Variants in UCN3 observed in about 807,000 individuals in gnomAD.
UCN3 encodes the protein urocortin 3.
UCN3 carries 3 observed loss-of-function variants against 3.6 expected under a neutral mutation model. The ratio of observed to expected loss-of-function variants is 0.83; its 90% CI spans 0.38 to 2.15. The LOEUF is 2.15. Ranked by LOEUF, UCN3 falls within the 30% of genes most tolerant of loss-of-function variation. The pLI, the probability that UCN3 is intolerant of heterozygous loss-of-function variation, is 0.06. For synonymous variants in UCN3, 100 were observed against 93.2 expected (o/e 1.07, Z -0.42); for missense variants, 206 against 208.3 (o/e 0.99, Z 0.07).
At chr10:5,370,185 GTATA>G (rs1460385126) in intron 1 of UCN3, among the ~76,000 whole-genome samples, 2 of 93,800 alleles carry the variant, frequency 2.1e-5, no homozygotes, top group African/African-American at 1.2e-4. Flanking sequence ...ATATGCGTGT[GTATA>G]TGCGTGTGTA....
At position 5,365,437 on chromosome 10, in the gene UCN3, A is replaced by G. The variant is rs1408734749; in HGVS notation, c.-7+207A>G. On this transcript the variant is annotated intron_variant, in intron 1 of 1. Transcript: ENST00000380433. This position sits in a 1 kb window ranked among gnomAD's most constrained non-coding sequence, Gnocchi z 4.4. ...AGGGGAAGTTTCTCAGGGAGGCACA[A>G]TCACATTCCCACGTTGGTATAGAGA... 1.3e-5 allele frequency among the ~76,000 whole-genome samples: 2 copies of G among 152,212 alleles called. No homozygotes were observed.
In UCN3 at chr10:5,370,376, TGC is replaced by T. The variant is rs1477761472; in HGVS notation, c.-6-3337_-6-3336del. 1.2e-4 allele frequency among the ~76,000 whole-genome samples: 9 copies of T among 74,680 alleles called. 3 individuals are homozygous for T. The South Asian group carries it at 2.7e-3, about 22-fold the overall frequency. 49.0% of individuals were successfully genotyped at this position (74,680 alleles called of 152,430 possible). A position where few individuals can be genotyped will look rare whatever the true frequency, so the allele number is the denominator to read the frequency against. On this transcript the variant is annotated intron_variant, in intron 1 of 1. Coordinates refer to ENST00000380433, the MANE Select transcript of UCN3 (RefSeq NM_053049.4). ...ATGTGTGTGTATATGCGTGTGTATA[TGC>T]GTGTATATGCGTGTGTATATGTGTG... is the stretch of plus-strand genomic sequence containing the variant.
intron 1 of UCN3, among the ~76,000 whole-genome samples, chr10:5,370,707 ATATGATGTGTGTG>A (rs1831388928): frequency 3.0e-5 from 2 of 67,476 alleles, no homozygotes; most frequent in African/African-American, 1.4e-4. Context: ...ATGTGTGTGT[ATATGATGTGTGTG>A]TATATGCGTG....
rs1834128284 is a variant in UCN3 at position 5,367,489 on chromosome 10, T to C, written c.-7+2259T>C. On this transcript the variant is annotated intron_variant, in intron 1 of 1. Transcript: ENST00000380433. This position sits in a 1 kb window ranked among gnomAD's most constrained non-coding sequence, Gnocchi z 4.3. ...TGAATTTCAATTCATTCAACAAATA[T>C]TGATTGAGAATATGATTTAGTATAA... 1.3e-5 allele frequency among the ~76,000 whole-genome samples: 2 copies of C among 152,212 alleles called. No homozygotes were observed. The highest frequency in any genetic ancestry group is 6.5e-5 in the Admixed American group (1 of 15,280).
chr10:5,368,058 C>A (rs1834132720), intron 1 of UCN3, among the ~76,000 whole-genome samples: 1 of 152,088 alleles, frequency 6.6e-6, no homozygotes. Flanking sequence ...GGATGGAGTG[C>A]AGTAGCATGA....
chr10:5,370,604 CGT>C lies in UCN3; in HGVS notation c.-6-3106_-6-3105del, dbSNP rs1175966230. Among the ~76,000 whole-genome samples the C allele has an allele frequency of 5.8e-4, 17 of 29,240 alleles. 4 individuals are homozygous for C. Among genetic ancestry groups the C allele is most frequent in the African/African-American group, 2.0e-3 (14 of 7,176 alleles). 19.2% of individuals were successfully genotyped at this position (29,240 alleles called of 152,430 possible). A position where few individuals can be genotyped will look rare whatever the true frequency, so the allele number is the denominator to read the frequency against. On this transcript the variant is annotated intron_variant, in intron 1 of 1. Transcript: ENST00000380433. Reference sequence around the variant, plus strand: ...ATGTGTGTATATGTGTGTGTGTATGCGTGTGTATATGCGTGTATATGCGTGTG... The same window carrying C: ...ATGTGTGTATATGTGTGTGTGTATGCGTGTATATGCGTGTATATGCGTGTG...
intron 1 of UCN3, among the ~76,000 whole-genome samples, chr10:5,372,227 G>C (rs1366126967): frequency 2.0e-5 from 3 of 152,130 alleles, no homozygotes; most frequent in African/African-American, 7.2e-5. Flanking sequence ...CAGAATGGTG[G>C]GTTTGATCTC....
intron 1 of UCN3, among the ~76,000 whole-genome samples, chr10:5,368,913 C>T (rs1213198987): frequency 6.6e-6 from 1 of 152,114 alleles, no homozygotes; most frequent in African/African-American, 2.4e-5. Context: ...GGTCAGAGCA[C>T]GCAGAGCAGC....
At chr10:5,370,366 C>T (rs797036045) in intron 1 of UCN3, among the ~76,000 whole-genome samples, 75 of 6,832 alleles carry the variant, frequency 0.011, 11 homozygotes, top group East Asian at 0.047. Flanking sequence ...TGTGTATATG[C>T]GTGTGTATAT....
chr10:5,370,124 T>C (rs1390024741), intron 1 of UCN3, among the ~76,000 whole-genome samples: 13 of 91,126 alleles, frequency 1.4e-4, no homozygotes, highest in East Asian at 4.0e-4. Context: ...TGTGTGTATG[T>C]GTGTGTATGT....
At chr10:5,369,991 G>GCGTC (rs1831327639) in intron 1 of UCN3, among the ~76,000 whole-genome samples, 1 of 133,126 alleles carries the variant, frequency 7.5e-6, no homozygotes, top group South Asian at 2.5e-4. Flanking sequence ...GTGTATATGT[G>GCGTC]TGTATGTGTG....
chr10:5,370,153 ATG>A lies in UCN3; in HGVS notation c.-6-3554_-6-3553del, dbSNP rs1310210440. ...TGTATGTGTGTGTATGCGTGTGTAT[ATG>A]TGTGTGTATATGTGTGTGTATATGC... On this transcript the variant is annotated intron_variant, in intron 1 of 1. Coordinates refer to ENST00000380433, the MANE Select transcript of UCN3 (RefSeq NM_053049.4). 5.8e-4 allele frequency among the ~76,000 whole-genome samples: 15 copies of A among 25,848 alleles called. 2 individuals carry two copies. Among genetic ancestry groups the A allele is most frequent in the East Asian group, 2.3e-3 (2 of 856 alleles). 17.0% of individuals were successfully genotyped at this position (25,848 alleles called of 152,430 possible). A position where few individuals can be genotyped will look rare whatever the true frequency, so the allele number is the denominator to read the frequency against.
At chr10:5,370,817 G>C (rs1160617738) in intron 1 of UCN3, among the ~76,000 whole-genome samples, 1 of 106,164 alleles carries the variant, frequency 9.4e-6, no homozygotes, top group Non-Finnish European at 1.9e-5. Context: ...GTGTGTGCGT[G>C]TGTGTGCGCG....
intron 1 of UCN3, among the ~76,000 whole-genome samples, chr10:5,369,932 T>TGTATATGC (rs1831323219): frequency 7.2e-6 from 1 of 138,380 alleles, no homozygotes; most frequent in Non-Finnish European, 1.5e-5. Flanking sequence ...TGTATGTGTG[T>TGTATATGC]GTGTGTATGT....
chr10:5,369,902 T>TGC (rs1831319845), intron 1 of UCN3, among the ~76,000 whole-genome samples: 1 of 103,812 alleles, frequency 9.6e-6, no homozygotes, highest in African/African-American at 4.4e-5. Flanking sequence ...TGTGTGTATA[T>TGC]GTGTGTGTGT....
intron 1 of UCN3, among the ~76,000 whole-genome samples, chr10:5,368,327 C>T (rs149612428): frequency 3.4e-4 from 52 of 152,242 alleles, no homozygotes; most frequent in African/African-American, 1.1e-3. Context: ...TTAGCTTACA[C>T]CCACCCAGAG....
In UCN3 at chr10:5,366,390, A is replaced by G. The variant is rs1199494602; in HGVS notation, c.-7+1160A>G. ...ATTAATAACTAGATGGTGCCCAGTT[A>G]TTTTCGTGGCAGACTGCAGAGAAAT... On this transcript the variant is annotated intron_variant, in intron 1 of 1. Transcript: ENST00000380433. This position sits in a 1 kb window ranked among gnomAD's most constrained non-coding sequence, Gnocchi z 4.2. 6.6e-6 allele frequency among the ~76,000 whole-genome samples: 1 copy of G among 152,178 alleles called. No homozygotes were observed. Among genetic ancestry groups the G allele is most frequent in the Non-Finnish European group, 1.5e-5 (1 of 68,016 alleles).
rs1554811801 is a variant in UCN3 at position 5,374,078 on chromosome 10, T to G, written c.358T>G (p.Phe120Val). ...DTAKSPHRTKFTLSLDVPTNI... is the reference protein window; with the variant it reads ...DTAKSPHRTKVTLSLDVPTNI... ...GGCCAAGAGTCCCCACCGCACCAAG[T>G]TCACCCTGTCCCTCGACGTCCCCAC... Residue 120 changes from phenylalanine to valine, a missense_variant, in exon 2 of 2, where the codon TTC (phenylalanine) becomes GTC (valine). Phe to Val is a conservative substitution (Grantham distance 50). Coordinates refer to ENST00000380433, the MANE Select transcript of UCN3 (RefSeq NM_053049.4). 1 of 1,613,604 alleles carries G rather than the reference T, an allele frequency of 6.2e-7. No individual in the cohort carries two copies. Among genetic ancestry groups the G allele is most frequent in the Non-Finnish European group, 8.5e-7 (1 of 1,179,882 alleles).
intron 1 of UCN3, among the ~76,000 whole-genome samples, chr10:5,371,617 C>G (rs576845859): frequency 3.3e-5 from 5 of 152,216 alleles, no homozygotes; most frequent in East Asian, 1.9e-4. Context: ...TGGGAAATGG[C>G]CTCGTCAAGG....
Sources: allele counts gnomAD v4.1 joint callset (sites outside exome capture counted in the v4.1 genomes callset), GRCh38; gene constraint gnomAD v4.1.1; non-coding constraint Gnocchi (gnomAD v3.1); transcripts MANE v1.5; gene names NCBI Gene and HGNC (gene_info 2026-07-23, HGNC 2026-07-21).